TMEM232: variants seen among roughly 807,000 people sequenced by gnomAD.
TMEM232 encodes transmembrane protein 232.
TMEM232 carries 80 observed loss-of-function variants against 78.8 expected under a neutral mutation model. That is an observed-to-expected ratio of 1.01 (90% CI 0.85 to 1.22). TMEM232 has a LOEUF of 1.22. Ranked by LOEUF, TMEM232 falls within the 50% of genes most tolerant of loss-of-function variation. The pLI is 0.00. For missense variants in TMEM232, 881 were observed against 742.2 expected, an observed-to-expected ratio of 1.19 and a Z score of -2.17; for synonymous variants, 297 against 254.3, an observed-to-expected ratio of 1.17 and a Z score of -1.60.
At chr5:110,526,200 G>A (rs1441855604) in intron 12 of TMEM232, among the ~76,000 whole-genome samples, 2 of 150,504 alleles carry the variant, frequency 1.3e-5, no homozygotes, top group East Asian at 3.9e-4. Flanking sequence ...ATAAACCACA[G>A]AGGAAAATTA....
intron 6 of TMEM232, among the ~76,000 whole-genome samples, chr5:110,627,064 G>C (rs1286945138): frequency 6.6e-6 from 1 of 151,944 alleles, no homozygotes; most frequent in Non-Finnish European, 1.5e-5. Flanking sequence ...TCAACTGCTT[G>C]CTGGGTATAT....
intron 1 of TMEM232, among the ~76,000 whole-genome samples, chr5:110,710,850 G>A (rs1195756757): frequency 2.6e-5 from 4 of 151,884 alleles, no homozygotes; most frequent in African/African-American, 9.7e-5. Flanking sequence ...TCTAAAATCT[G>A]GGACATGACA....
rs115594464 is a variant in TMEM232 at position 110,392,444 on chromosome 5, C to G, written n.391-1804G>C. ...GCACTGATTTGTTAGTCAGTTCAGG[C>G]TGTTATGACAAAATATCATAGGCTG... On this transcript the variant is annotated intron_variant and non_coding_transcript_variant, in intron 3 of 8. Coordinates refer to the TMEM232 transcript ENST00000507188. 1.9e-3 allele frequency among the ~76,000 whole-genome samples: 290 copies of G among 152,298 alleles called. 2 individuals are homozygous for G. Among genetic ancestry groups the G allele is most frequent in the African/African-American group, 6.5e-3 (270 of 41,564 alleles).
chr5:110,459,301 C>G (rs978926237), intron 12 of TMEM232, among the ~76,000 whole-genome samples: 6 of 152,068 alleles, frequency 3.9e-5, no homozygotes, highest in African/African-American at 1.2e-4. Context: ...GAGTTTTATT[C>G]TTTGATCAAT....
chr5:110,601,209 G>C (rs992319329), intron 10 of TMEM232, among the ~76,000 whole-genome samples: 4 of 152,146 alleles, frequency 2.6e-5, no homozygotes, highest in African/African-American at 7.2e-5. Context: ...ATACTGAATA[G>C]GCAAAAGCTA....
intron 12 of TMEM232, among the ~76,000 whole-genome samples, chr5:110,458,465 C>T (rs313607): frequency 0.31 from 46,404 of 152,028 alleles, 12,188 homozygotes; most frequent in African/African-American, 0.71. Context: ...TGCAGCCTGA[C>T]ACAAGGCATA....
intron 12 of TMEM232, among the ~76,000 whole-genome samples, chr5:110,521,663 C>A (rs567584445): frequency 4.2e-4 from 64 of 152,250 alleles, no homozygotes; most frequent in African/African-American, 1.4e-3. Context: ...TTCATTCTTA[C>A]ACATGTGGAT....
chr5:110,657,799 TA>T (rs1013472596), intron 2 of TMEM232, among the ~76,000 whole-genome samples: 35 of 152,194 alleles, frequency 2.3e-4, no homozygotes, highest in African/African-American at 8.2e-4. Flanking sequence ...TGGAGATCTT[TA>T]AAACAGCAGT....
chr5:110,706,877 G>T (rs1795981331), intron 1 of TMEM232, among the ~76,000 whole-genome samples: 1 of 152,110 alleles, frequency 6.6e-6, no homozygotes. Flanking sequence ...AGAGGATGGT[G>T]TTTCACATAG....
At chr5:110,598,151 T>A (rs1780417172) in intron 10 of TMEM232, among the ~76,000 whole-genome samples, 1 of 150,256 alleles carries the variant, frequency 6.7e-6, no homozygotes, top group East Asian at 2.0e-4. Context: ...TACAATGAAC[T>A]CAAATTTACA....
At chr5:110,668,103 G>T (rs1790845198) in intron 1 of TMEM232, among the ~76,000 whole-genome samples, 1 of 151,956 alleles carries the variant, frequency 6.6e-6, no homozygotes, top group South Asian at 2.1e-4. Context: ...TTGATCATTA[G>T]ATTAGTCAAA....
At chr5:110,414,756 G>A (rs956232901), downstream of TMEM232, among the ~76,000 whole-genome samples, 6 of 152,124 alleles carry the variant, frequency 3.9e-5, no homozygotes, top group African/African-American at 1.4e-4. Flanking sequence ...ACGGCATTTA[G>A]ATTTATAGGG....
chr5:110,601,129 A>G lies in TMEM232; in HGVS notation c.1276+3980T>C, dbSNP rs551826808. Among the ~76,000 whole-genome samples, 28 of 152,322 alleles carry G rather than the reference A, an allele frequency of 1.8e-4. No individual in the cohort carries two copies. The South Asian group carries it at 5.8e-3, about 32-fold the overall frequency. ...ACACCCTTAATGCTAAAAGCACTCA[A>G]TAAACTGGGTATTGATGAACATATC... On this transcript the variant is annotated intron_variant, in intron 10 of 13. Coordinates refer to ENST00000455884, the MANE Select transcript of TMEM232 (RefSeq NM_001039763.4).
rs563787809 is a variant in TMEM232, at chr5:110,624,279, A to C, written c.768+988T>G. Among the ~76,000 whole-genome samples, 527 of 152,276 alleles carry C rather than the reference A, an allele frequency of 3.5e-3. 2 individuals carry two copies. Among genetic ancestry groups the C allele is most frequent in the African/African-American group, 0.012 (506 of 41,574 alleles). ...ATTATTCATGTTTGCATGGCATTTAATAATTTTATAAAGCACATGCTGGTT... is the reference window on the plus strand; with the variant it reads ...ATTATTCATGTTTGCATGGCATTTACTAATTTTATAAAGCACATGCTGGTT... On this transcript the variant is annotated intron_variant, in intron 7 of 13. Coordinates refer to ENST00000455884, the MANE Select transcript of TMEM232 (RefSeq NM_001039763.4).
At chr5:110,427,258 A>T (rs1163913379) in intron 12 of TMEM232, among the ~76,000 whole-genome samples, 1 of 151,970 alleles carries the variant, frequency 6.6e-6, no homozygotes, top group African/African-American at 2.4e-5. Flanking sequence ...CATCCGTAAT[A>T]CTGAAAAATA....
At chr5:110,635,882 T>C (rs1213812356) in intron 5 of TMEM232, among the ~76,000 whole-genome samples, 8 of 152,036 alleles carry the variant, frequency 5.3e-5, no homozygotes. Flanking sequence ...AGAACTACCA[T>C]ATTATCCAGC....
intron 12 of TMEM232, among the ~76,000 whole-genome samples, chr5:110,503,650 T>C (rs537273698): frequency 2.0e-5 from 3 of 152,318 alleles, no homozygotes; most frequent in African/African-American, 7.2e-5. Flanking sequence ...GAGCCTCCTC[T>C]ACTCAGGTTT....
At chr5:110,471,406 CA>C (rs1762665280) in intron 12 of TMEM232, among the ~76,000 whole-genome samples, 1 of 151,990 alleles carries the variant, frequency 6.6e-6, no homozygotes, top group East Asian at 1.9e-4. Flanking sequence ...AGATGAAGCT[CA>C]AAGGTCCCCA....
chr5:110,576,587 AG>A (rs1313577227), intron 10 of TMEM232, among the ~76,000 whole-genome samples: 2 of 152,158 alleles, frequency 1.3e-5, no homozygotes, highest in Non-Finnish European at 2.9e-5. Flanking sequence ...GGCAATTCTA[AG>A]CAAAAAGAAC....
Sources: allele counts gnomAD v4.1 joint callset (sites outside exome capture counted in the v4.1 genomes callset), GRCh38; gene constraint gnomAD v4.1.1; transcripts MANE v1.5; gene names NCBI Gene and HGNC (gene_info 2026-07-23, HGNC 2026-07-21).